The following MKNK2 variants were observed in gnomAD, a reference collection of about 807,000 sequenced individuals.
MKNK2 encodes the protein MAPK interacting serine/threonine kinase 2.
In MKNK2, 54 loss-of-function variants were observed where a neutral mutation model predicts 55.0. That is an observed-to-expected ratio of 0.98 (90% CI 0.79 to 1.23). The LOEUF (loss-of-function observed/expected upper bound fraction) is 1.23. Ranked by LOEUF, MKNK2 falls within the 50% of genes most tolerant of loss-of-function variation. The probability of loss-of-function intolerance (pLI) is 0.00; values close to 1 mark genes in which losing one functional copy is unlikely to be tolerated. For missense variants in MKNK2, 685 were observed against 632.1 expected, an observed-to-expected ratio of 1.08 and a Z score of -0.90; for synonymous variants, 323 against 256.0, an observed-to-expected ratio of 1.26 and a Z score of -2.50.
In MKNK2 at chr19:2,041,069, G is replaced by A; in HGVS notation, c.1081C>T (p.Gln361Ter). 6.2e-7 allele frequency: 1 copy of A among 1,614,010 alleles called. No individual in the cohort carries two copies. The highest frequency in any genetic ancestry group is 8.5e-7 in the Non-Finnish European group (1 of 1,179,950). Reference sequence around the variant, plus strand: ...TGAACCCAGGGGTGCTGCAGGACTTGGGCGGCACTCAGCCTCTGCTTGGCG... The same window carrying A: ...TGAACCCAGGGGTGCTGCAGGACTTAGGCGGCACTCAGCCTCTGCTTGGCG... The part of the protein sequence containing the change: ...RDAKQRLSAA[Q>*]VLQHPWVQGC... The change falls in exon 12 of 14, where the codon CAA becomes TAA. Residue 361 changes from glutamine to a stop codon, truncating the protein, a stop_gained. Transcript: ENST00000250896. LOFTEE classifies it high-confidence loss of function.
intron 6 of MKNK2, 106 bp downstream of exon 6, chr19:2,043,397 A>C: frequency 8.5e-7 from 1 of 1,178,156 alleles, no homozygotes; most frequent in Non-Finnish European, 1.3e-6. Flanking sequence ...AGGGCCTGGG[A>C]AACTGGGTGC....
intron 2 of MKNK2, among the ~76,000 whole-genome samples, chr19:2,049,314 AGG>A (rs1207791827): frequency 6.6e-6 from 1 of 152,204 alleles, no homozygotes; most frequent in Non-Finnish European, 1.5e-5. Flanking sequence ...GCTGGAGGCA[AGG>A]AGAGTATTTC....
Position 2,041,883 on chromosome 19 carries a change from C to T in MKNK2, c.902G>A (p.Ser301Asn). ...GYPPFVGRCG[S>N]DCGWDRGEAC... ...CTCGCCGCGGTCCCAGCCGCAGTCGCTGCCACAGCGGCCCACGAAGGGCGG... is the reference window on the plus strand; with the variant it reads ...CTCGCCGCGGTCCCAGCCGCAGTCGTTGCCACAGCGGCCCACGAAGGGCGG... Residue 301 changes from serine to asparagine, a missense_variant, in exon 11 of 14, where the codon AGC (serine) becomes AAC (asparagine). Coordinates refer to ENST00000250896, the MANE Select transcript of MKNK2 (RefSeq NM_199054.3). 1 of 1,543,462 alleles carries T rather than the reference C, an allele frequency of 6.5e-7. No homozygotes were observed. The highest frequency in any genetic ancestry group is 2.0e-5 in the Admixed American group (1 of 50,180).
At position 2,039,778 on chromosome 19, in the gene MKNK2, C is replaced by G. The variant is rs772265821; in HGVS notation, c.1233G>C (p.Glu411Asp). 4 of 1,607,696 alleles carry G rather than the reference C, an allele frequency of 2.5e-6. No homozygotes were observed. The African/African-American group carries it at 4.0e-5, about 16-fold the overall frequency. Reference sequence around the variant, plus strand: ...CCGCGGCCTCCTCCTCAGCCAGGTCCTCGTCGTGCTGGGCCAGCTGCCGGT... The same window carrying G: ...CCGCGGCCTCCTCCTCAGCCAGGTCGTCGTCGTGCTGGGCCAGCTGCCGGT... Reference protein sequence around the residue: ...AMNRQLAQHDEDLAEEEAAGQ... With the variant: ...AMNRQLAQHDDDLAEEEAAGQ... The change falls in exon 14 of 14, where the codon GAG becomes GAC. Residue 411 changes from glutamate to aspartate, a missense_variant. By Grantham distance (45) the Glu-to-Asp change is conservative. Transcript: ENST00000250896.
chr19:2,046,718 C>T (rs2017009342), intron 2 of MKNK2, 27 bp from the exon 3 acceptor site: 1 of 1,483,798 alleles, frequency 6.7e-7, no homozygotes, highest in African/African-American at 1.4e-5. Context: ...AGGAGAGGCA[C>T]TCAGGCCCCA....
chr19:2,040,470 C>G, intron 12 of MKNK2: 1 of 437,070 alleles, frequency 2.3e-6, no homozygotes, highest in East Asian at 3.5e-5. Context: ...CGGCTGTTCC[C>G]AGCCCAAACC....
chr19:2,050,746 C>T, intron 2 of MKNK2, 55 bp downstream of exon 2: 1 of 1,497,136 alleles, frequency 6.7e-7, no homozygotes, highest in South Asian at 1.2e-5. Context: ...GCCCCCCACG[C>T]CGGCCATTCC....
In MKNK2 at chr19:2,042,421, C is replaced by G. The variant is rs752988395; in HGVS notation, c.750+6G>C. On this transcript the variant is annotated splice_donor_region_variant and intron_variant, in intron 10 of 13. Coordinates refer to ENST00000250896, the MANE Select transcript of MKNK2 (RefSeq NM_199054.3). Reference sequence around the variant, plus strand: ...CGAGCCCCCAGCCCTCCCCGCGGGCCCTCACCGGAGTGAGCAGCTCCGGGG... The same window carrying G: ...CGAGCCCCCAGCCCTCCCCGCGGGCGCTCACCGGAGTGAGCAGCTCCGGGG... 6.4e-7 allele frequency: 1 copy of G among 1,568,500 alleles called. No homozygotes were observed. The highest frequency in any genetic ancestry group is 1.9e-5 in the Admixed American group (1 of 51,942).
rs1348528870 is a variant in MKNK2, at chr19:2,038,042, G to T, written c.*1571C>A. ...GGGCGGAATGCCCCACCCCCCCCAG[G>T]GGTCTTTGGAAGGGGCAGTCCACAG... On this transcript the variant is annotated 3_prime_UTR_variant, in exon 14 of 14. Transcript: ENST00000250896. 3 of 1,285,666 alleles carry T rather than the reference G, an allele frequency of 2.3e-6. 1 individual carries two copies. In the South Asian group the frequency reaches 6.0e-5, roughly 26 times the overall value. 79.6% of individuals were successfully genotyped at this position (1,285,666 alleles called of 1,614,324 possible).
rs3746101 is a variant in MKNK2, at chr19:2,050,824, G to T, written c.28C>A (p.Gln10Lys). The T allele has an allele frequency of 0.081, 125,242 of 1,537,034 alleles. 5,917 individuals carry two copies. The highest frequency in any genetic ancestry group is 0.19 in the East Asian group (7,535 of 38,844). ...ACCTTGAACGAACGGTGGAAACCCT[G>T]AAGTTCGGCTGGTTTCTTCTGCACC... MVQKKPAEL[Q>K]GFHRSFKGQN... The change falls in exon 2 of 14, where the codon CAG becomes AAG. Residue 10 changes from glutamine to lysine, a missense_variant. Physicochemically the swap from Gln to Lys is moderately conservative, Grantham distance 53. Transcript: ENST00000250896.
Position 2,039,051 on chromosome 19 carries a change from G to A in MKNK2, c.*562C>T. 3 of 986,524 alleles carry A rather than the reference G, an allele frequency of 3.0e-6. No homozygotes were observed. Among genetic ancestry groups the A allele is most frequent in the Non-Finnish European group, 3.6e-6 (3 of 830,406 alleles). 61.1% of individuals were successfully genotyped at this position (986,524 alleles called of 1,614,324 possible). A position where few individuals can be genotyped will look rare whatever the true frequency, so the allele number is the denominator to read the frequency against. ...TGGGTGGGTGAGCTGCCTGCCACCT[G>A]CCTGCCTGACACCTCCAGAGACAGG... On this transcript the variant is annotated 3_prime_UTR_variant, in exon 14 of 14. Coordinates refer to ENST00000250896, the MANE Select transcript of MKNK2 (RefSeq NM_199054.3).
chr19:2,039,373 C>G lies in MKNK2; in HGVS notation c.*240G>C, dbSNP rs2016823010. On this transcript the variant is annotated 3_prime_UTR_variant, in exon 14 of 14. Transcript: ENST00000250896. ...ACCCACCTACCCTCTGCTCACCTTC[C>G]CGGGTGCCTGCAATGCTTTTAACCA... The G allele has an allele frequency of 3.6e-6, 5 of 1,383,638 alleles. No homozygotes were observed. In the Admixed American group the frequency reaches 1.5e-4, roughly 42 times the overall value. The allele number at this position is 1,383,638 out of a possible 1,614,324, so 85.7% of individuals were successfully genotyped here.
chr19:2,043,245 C>G (rs779076343), intron 6 of MKNK2, 48 bp from the exon 7 acceptor site: 1 of 1,466,086 alleles, frequency 6.8e-7, no homozygotes, highest in Non-Finnish European at 9.5e-7. Context: ...TCCTGAGGCC[C>G]CTGGGTACCT....
chr19:2,042,425 A>G lies in MKNK2; in HGVS notation c.750+2T>C. 1.3e-6 allele frequency: 2 copies of G among 1,570,506 alleles called. No individual in the cohort carries two copies. The highest frequency in any genetic ancestry group is 1.7e-6 in the Non-Finnish European group (2 of 1,158,994). On this transcript the variant is annotated splice_donor_variant, in intron 10 of 13. Coordinates refer to ENST00000250896, the MANE Select transcript of MKNK2 (RefSeq NM_199054.3). LOFTEE classifies it high-confidence loss of function. Reference sequence around the variant, plus strand: ...CCCCCAGCCCTCCCCGCGGGCCCTCACCGGAGTGAGCAGCTCCGGGGTGGA... The same window carrying G: ...CCCCCAGCCCTCCCCGCGGGCCCTCGCCGGAGTGAGCAGCTCCGGGGTGGA...
intron 13 of MKNK2, 105 bp from the exon 14 acceptor site, chr19:2,039,961 C>G: frequency 1.4e-6 from 2 of 1,435,700 alleles, no homozygotes; most frequent in East Asian, 2.3e-5. Flanking sequence ...CCCCTCCCAG[C>G]CCCCACCCTG....
rs182002966 is a variant in MKNK2 at position 2,043,714 on chromosome 19, G to A, written c.340-132C>T. The A allele has an allele frequency of 8.1e-4, 664 of 823,462 alleles. 2 individuals are homozygous for A. The African/African-American group carries it at 9.4e-3, about 12-fold the overall frequency. The allele number at this position is 823,462 out of a possible 1,614,324, so 51.0% of individuals were successfully genotyped here. A position where few individuals can be genotyped will look rare whatever the true frequency, so the allele number is the denominator to read the frequency against. On this transcript the variant is annotated intron_variant, in intron 5 of 13. Coordinates refer to ENST00000250896, the MANE Select transcript of MKNK2 (RefSeq NM_199054.3). The stretch of plus-strand genomic sequence containing the variant: ...TGCAACTCTAGAAAGCAGGGCTCAC[G>A]CCTGTCATCCCAGCACTTTGGGAGG...
In MKNK2 at chr19:2,043,169, C is replaced by G. The variant is rs145739021; in HGVS notation, c.448G>C (p.Glu150Gln). 1 of 1,609,532 alleles carries G rather than the reference C, an allele frequency of 6.2e-7. No individual in the cohort carries two copies. Residue 150 changes from glutamate to glutamine, a missense_variant, in exon 7 of 14, where the codon GAG (glutamate) becomes CAG (glutamine). Physicochemically the swap from Glu to Gln is conservative, Grantham distance 29. Coordinates refer to ENST00000250896, the MANE Select transcript of MKNK2 (RefSeq NM_199054.3). The stretch of plus-strand genomic sequence containing the variant: ...ACCAGGTAGAAGCGGTCCTCCTCCT[C>G]GAAGAACTCAATCAGCTCTAGGACG... The part of the protein sequence containing the change: ...RNVLELIEFF[E>Q]EEDRFYLVFE...
At position 2,046,698 on chromosome 19, in the gene MKNK2, G is replaced by C; in HGVS notation, c.52-7C>G. On this transcript the variant is annotated splice_region_variant and splice_polypyrimidine_tract_variant and intron_variant, in intron 2 of 13. Coordinates refer to ENST00000250896, the MANE Select transcript of MKNK2 (RefSeq NM_199054.3). ...GCTCGAAGGGGTTCTGCCCCTGCAG[G>C]GGAGAGGAGAGGAGAGGCACTCAGG... 2.6e-6 allele frequency: 4 copies of C among 1,511,214 alleles called. No homozygotes were observed. Among genetic ancestry groups the C allele is most frequent in the Non-Finnish European group, 2.7e-6 (3 of 1,131,070 alleles). 93.6% of individuals were successfully genotyped at this position (1,511,214 alleles called of 1,614,324 possible).
intron 13 of MKNK2, 97 bp from the exon 14 acceptor site, chr19:2,039,953 C>G (rs1446255987): frequency 2.1e-6 from 3 of 1,445,348 alleles, no homozygotes; most frequent in Middle Eastern, 1.9e-4. Context: ...TTCATGCCCC[C>G]CTCCCAGCCC....
Sources: allele counts gnomAD v4.1 joint callset (sites outside exome capture counted in the v4.1 genomes callset), GRCh38; gene constraint gnomAD v4.1.1; transcripts MANE v1.5; gene names NCBI Gene and HGNC (gene_info 2026-07-23, HGNC 2026-07-21).